Variants in ASPRV1 observed in about 807,000 individuals in gnomAD.
ASPRV1 encodes the protein aspartic peptidase retroviral like 1, also known as retroviral-like aspartic protease 1.
Under a neutral mutation model 11.0 loss-of-function variants are expected in ASPRV1, and 7 were observed. That is an observed-to-expected ratio of 0.64 (90% CI 0.36 to 1.20). ASPRV1 has a LOEUF of 1.20. Among genes scored for constraint, ASPRV1 ranks in the 50% most tolerant of loss-of-function variants. The pLI is 0.02. For missense variants in ASPRV1, 299 were observed against 320.0 expected (o/e 0.93, Z 0.50); for synonymous variants, 136 against 138.4 (o/e 0.98, Z 0.12).
At chr2:69,933,224 AC>A in the ASPRV1 span, among the ~76,000 whole-genome samples, 774 of 139,642 alleles carry the variant, frequency 5.5e-3, 35 homozygotes, top group East Asian at 0.029. Flanking sequence ...AAAAAAAAAA[AC>A]AAAAAAAGAA....
the ASPRV1 span, among the ~76,000 whole-genome samples, chr2:70,001,941 T>C: frequency 6.6e-6 from 1 of 152,166 alleles, no homozygotes; most frequent in Non-Finnish European, 1.5e-5. Flanking sequence ...GTTCACAATG[T>C]ATTGCTAAGT....
At chr2:70,008,247 T>A in the ASPRV1 span, among the ~76,000 whole-genome samples, 1 of 152,190 alleles carries the variant, frequency 6.6e-6, no homozygotes, top group Admixed American at 6.6e-5. Context: ...TTTTTTTAAG[T>A]GGCAGAATAT....
chr2:70,051,767 A>T, the ASPRV1 span, among the ~76,000 whole-genome samples: 1 of 152,116 alleles, frequency 6.6e-6, no homozygotes, highest in South Asian at 2.1e-4. Context: ...TGAACCTAGG[A>T]GTTTGAGACC....
chr2:69,991,132 C>T, the ASPRV1 span, among the ~76,000 whole-genome samples: 13 of 152,316 alleles, frequency 8.5e-5, no homozygotes, highest in African/African-American at 2.9e-4. Flanking sequence ...TCTGCCCCCA[C>T]ACCCCCTTCC....
the ASPRV1 span, among the ~76,000 whole-genome samples, chr2:70,051,784 G>C: frequency 6.6e-6 from 1 of 152,080 alleles, no homozygotes; most frequent in East Asian, 1.9e-4. Context: ...GACCAGACTG[G>C]GCAACACATT....
chr2:70,039,247 G>A, the ASPRV1 span, among the ~76,000 whole-genome samples: 2 of 152,108 alleles, frequency 1.3e-5, no homozygotes, highest in Admixed American at 6.6e-5. Flanking sequence ...CCAAACCTTT[G>A]ATAAAGTCTG....
chr2:69,998,686 G>A, the ASPRV1 span, among the ~76,000 whole-genome samples: 2 of 150,352 alleles, frequency 1.3e-5, no homozygotes, highest in South Asian at 2.1e-4. Flanking sequence ...CAGAGATCAC[G>A]CCACTGCACT....
At chr2:69,970,124 C>T in the ASPRV1 span, among the ~76,000 whole-genome samples, 2 of 152,160 alleles carry the variant, frequency 1.3e-5, no homozygotes, top group Non-Finnish European at 2.9e-5. Flanking sequence ...CCCTTTCTCA[C>T]GGCCCCACCT....
the ASPRV1 span, among the ~76,000 whole-genome samples, chr2:69,934,684 T>C: frequency 6.6e-6 from 1 of 152,364 alleles, no homozygotes; most frequent in South Asian, 2.1e-4. Context: ...TAAGATAGCA[T>C]GGTATACTCA....
downstream of ASPRV1, among the ~76,000 whole-genome samples, chr2:69,959,636 ATGCCCTTGGGC>A (rs1678017578): frequency 6.6e-6 from 1 of 152,046 alleles, no homozygotes; most frequent in Non-Finnish European, 1.5e-5. Flanking sequence ...GTCCTCCAGC[ATGCCCTTGGGC>A]TGCCCCACAC....
At chr2:69,943,152 C>G in the ASPRV1 span, among the ~76,000 whole-genome samples, 1 of 152,174 alleles carries the variant, frequency 6.6e-6, no homozygotes, top group Non-Finnish European at 1.5e-5. Context: ...ACAGTCCCAC[C>G]CTCTCCACTG....
the ASPRV1 span, among the ~76,000 whole-genome samples, chr2:70,076,238 T>C: frequency 6.6e-6 from 1 of 152,230 alleles, no homozygotes; most frequent in African/African-American, 2.4e-5. Context: ...AGTCTTCCTC[T>C]CAACCTACTA....
upstream of ASPRV1, chr2:69,962,258 A>T (rs1678150981): frequency 6.0e-6 from 1 of 167,096 alleles, no homozygotes; most frequent in African/African-American, 2.4e-5. Context: ...CATGGACTCA[A>T]CTGCTGCAGT....
the ASPRV1 span, among the ~76,000 whole-genome samples, chr2:69,948,693 C>T: frequency 6.0e-4 from 91 of 152,136 alleles, no homozygotes; most frequent in Non-Finnish European, 1.0e-3. Flanking sequence ...GGAAGAGGCC[C>T]CGAGGGAGGG....
At chr2:70,005,609 T>C in the ASPRV1 span, among the ~76,000 whole-genome samples, 49 of 152,328 alleles carry the variant, frequency 3.2e-4, 1 homozygote, top group South Asian at 8.7e-3. Flanking sequence ...TTAAATTCTA[T>C]CTGGTTTAAT....
At chr2:69,964,853 T>C (rs1678282067), upstream of ASPRV1, 1 of 152,628 alleles carries the variant, frequency 6.6e-6, no homozygotes, top group African/African-American at 2.4e-5. Context: ...CTGTTTCTTT[T>C]CTGCTGTTTT....
At chr2:69,951,446 AGTGTGTGTGTGTGTGT>A in the ASPRV1 span, among the ~76,000 whole-genome samples, 4 of 107,354 alleles carry the variant, frequency 3.7e-5, no homozygotes, top group Non-Finnish European at 7.0e-5. Context: ...AAAAAAAGTG[AGTGTGTGTGTGTGTGT>A]GTGTGTGTGT....
the ASPRV1 span, among the ~76,000 whole-genome samples, chr2:69,955,055 A>T: frequency 1.1e-4 from 17 of 152,222 alleles, no homozygotes; most frequent in Non-Finnish European, 4.4e-5. Context: ...AAAGCATAAC[A>T]GCTTTTCTTG....
the ASPRV1 span, among the ~76,000 whole-genome samples, chr2:70,018,480 A>T: frequency 6.6e-6 from 1 of 152,210 alleles, no homozygotes; most frequent in South Asian, 2.1e-4. Flanking sequence ...AATCTGCAGC[A>T]AAAAGAACAA....
Sources: gnomAD v4.1 joint callset for allele counts (sites outside exome capture counted in the v4.1 genomes callset) on GRCh38, gnomAD v4.1.1 for gene constraint, MANE v1.5 for transcripts, NCBI Gene and HGNC (gene_info 2026-07-23, HGNC 2026-07-21) for gene names.